The following PDZD9 variants were observed in gnomAD, a reference collection of about 807,000 sequenced individuals.
The protein encoded by PDZD9 is PDZ domain-containing protein 9.
In PDZD9, 13 loss-of-function variants were observed where a neutral mutation model predicts 16.3. The ratio of observed to expected loss-of-function variants is 0.80; its 90% CI spans 0.52 to 1.27. PDZD9 has a LOEUF of 1.27. PDZD9 is among the 50% of genes most tolerant of loss of function. PDZD9 has a pLI of 0.00. For missense variants in PDZD9, 288 were observed against 310.9 expected, an observed-to-expected ratio of 0.93 and a Z score of 0.55; for synonymous variants, 120 against 111.0, an observed-to-expected ratio of 1.08 and a Z score of -0.51.
chr16:21,993,244 C>A (rs1048421380), intron 2 of PDZD9, among the ~76,000 whole-genome samples: 22 of 152,236 alleles, frequency 1.4e-4, no homozygotes, highest in African/African-American at 5.3e-4. Flanking sequence ...CTAACTATAG[C>A]CGTGCCATGA....
chr16:21,963,469 T>A, the PDZD9 span, among the ~76,000 whole-genome samples: 1 of 151,968 alleles, frequency 6.6e-6, no homozygotes, highest in Admixed American at 6.5e-5. Flanking sequence ...TGTTTTTGTT[T>A]GTTTGTTTGT....
the PDZD9 span, among the ~76,000 whole-genome samples, chr16:21,961,669 T>TATATATATATATATATATATATATA: frequency 1.6e-5 from 2 of 128,960 alleles, no homozygotes; most frequent in Non-Finnish European, 1.7e-5. Flanking sequence ...TATATATATA[T>TATATATATATATATATATATATATA]TTTAGACAGT....
At chr16:21,994,524 T>C (rs901086510) in intron 2 of PDZD9, among the ~76,000 whole-genome samples, 2 of 152,346 alleles carry the variant, frequency 1.3e-5, no homozygotes, top group East Asian at 3.9e-4. Flanking sequence ...GTAAAGCCCT[T>C]AGGCTCTGAA....
chr16:21,997,113 G>A (rs940195353), intron 1 of PDZD9, among the ~76,000 whole-genome samples: 1 of 152,150 alleles, frequency 6.6e-6, no homozygotes, highest in South Asian at 2.1e-4. Flanking sequence ...GTGAGCCACC[G>A]TGCCTGGCCC....
chr16:21,964,275 G>A, the PDZD9 span, among the ~76,000 whole-genome samples: 1 of 152,166 alleles, frequency 6.6e-6, no homozygotes, highest in African/African-American at 2.4e-5. Flanking sequence ...CTTCCCCACT[G>A]GCGGCAGTGA....
Position 21,984,255 on chromosome 16 carries a change from A to C in PDZD9, c.*12T>G. 6.3e-7 allele frequency: 1 copy of C among 1,598,458 alleles called. No individual in the cohort carries two copies. Among genetic ancestry groups the C allele is most frequent in the Non-Finnish European group, 8.5e-7 (1 of 1,170,666 alleles). On this transcript the variant is annotated 3_prime_UTR_variant, in exon 4 of 4. Coordinates refer to ENST00000424898, the MANE Select transcript of PDZD9 (RefSeq NM_001363519.1). Reference sequence around the variant, plus strand: ...TGTCTGCAAGATAAATGCTCATATGACCACAGATTTGCTAACCAACCTTTG... The same window carrying C: ...TGTCTGCAAGATAAATGCTCATATGCCCACAGATTTGCTAACCAACCTTTG...
At chr16:21,971,116 G>T in the PDZD9 span, among the ~76,000 whole-genome samples, 5 of 152,176 alleles carry the variant, frequency 3.3e-5, no homozygotes, top group South Asian at 1.0e-3. Context: ...ACATGCTAGC[G>T]TCCATTAGGA....
At chr16:21,981,222 T>C (rs1898718736), downstream of PDZD9, among the ~76,000 whole-genome samples, 1 of 152,194 alleles carries the variant, frequency 6.6e-6, no homozygotes, top group South Asian at 2.1e-4. Flanking sequence ...AATTTTTTTT[T>C]CACATATATT....
Position 21,994,936 on chromosome 16 carries a change from T to A in PDZD9, c.211+1386A>T, listed in dbSNP as rs530949881. Among the ~76,000 whole-genome samples the A allele has an allele frequency of 5.3e-5, 8 of 152,082 alleles. No individual in the cohort carries two copies. The South Asian group carries it at 1.7e-3, about 32-fold the overall frequency. On this transcript the variant is annotated intron_variant, in intron 2 of 3. Coordinates refer to ENST00000424898, the MANE Select transcript of PDZD9 (RefSeq NM_001363519.1). The stretch of plus-strand genomic sequence containing the variant: ...GCCTCGGCCTCCTGCACTCAAGTGA[T>A]CCTCCCACCTCAGCCTCCTGAGTAG...
chr16:21,962,621 A>G, the PDZD9 span: 2 of 1,591,356 alleles, frequency 1.3e-6, no homozygotes, highest in Non-Finnish European at 1.7e-6. Flanking sequence ...TCCATTTTGG[A>G]TTATTGTTCA....
rs1485856825 is a variant in PDZD9, at chr16:21,996,228, T to G, written c.211+94A>C. 104 of 1,361,310 alleles carry G rather than the reference T, an allele frequency of 7.6e-5. 1 individual carries two copies. The highest frequency in any genetic ancestry group is 3.0e-5 in the Non-Finnish European group (30 of 1,014,906). 84.3% of individuals were successfully genotyped at this position (1,361,310 alleles called of 1,614,324 possible). ...GGCATGAGCCAGCATGCCCGTCATA[T>G]CCTTATAGTTACACTGAAACCCGGT... On this transcript the variant is annotated intron_variant, in intron 2 of 3. Coordinates refer to ENST00000424898, the MANE Select transcript of PDZD9 (RefSeq NM_001363519.1).
intron 3 of PDZD9, among the ~76,000 whole-genome samples, chr16:21,986,222 C>T (rs1236595865): frequency 6.6e-6 from 1 of 152,132 alleles, no homozygotes; most frequent in African/African-American, 2.4e-5. Flanking sequence ...CTTCTTCTTT[C>T]CCTGCCGCGT....
downstream of PDZD9, among the ~76,000 whole-genome samples, chr16:21,980,065 G>A (rs570666495): frequency 2.0e-5 from 3 of 152,202 alleles, no homozygotes; most frequent in Admixed American, 6.5e-5. Context: ...TGTTCGATAC[G>A]TTAGGTGTAT....
the PDZD9 span, among the ~76,000 whole-genome samples, chr16:21,964,934 C>T: frequency 1.3e-5 from 2 of 152,210 alleles, no homozygotes; most frequent in Non-Finnish European, 1.5e-5. Context: ...GCACCAAGCA[C>T]CACAGAGGAG....
chr16:21,962,198 T>C, the PDZD9 span: 2 of 448,102 alleles, frequency 4.5e-6, no homozygotes, highest in South Asian at 3.1e-5. Context: ...ACTGGCTTAT[T>C]ATCCTTAGCA....
At chr16:21,996,211 C>T (rs1899144198) in intron 2 of PDZD9, 111 bp downstream of exon 2, 1 of 1,266,862 alleles carries the variant, frequency 7.9e-7, no homozygotes. Flanking sequence ...CAGGCATGAG[C>T]CAGCATGCCC....
At chr16:21,960,262 T>G in the PDZD9 span, among the ~76,000 whole-genome samples, 2 of 152,230 alleles carry the variant, frequency 1.3e-5, no homozygotes, top group Non-Finnish European at 2.9e-5. Context: ...AGCTTCTATA[T>G]TAGCATTTGC....
the PDZD9 span, chr16:21,962,507 G>T: frequency 6.2e-7 from 1 of 1,614,128 alleles, no homozygotes; most frequent in Non-Finnish European, 8.5e-7. Context: ...GAATGCCTGC[G>T]GGGTGATGTG....
intron 3 of PDZD9, among the ~76,000 whole-genome samples, chr16:21,986,317 G>C (rs1006373128): frequency 1.3e-5 from 2 of 152,098 alleles, no homozygotes; most frequent in South Asian, 4.1e-4. Context: ...TATTGTTTGT[G>C]GGTTTTCGCC....
Sources: gnomAD v4.1 joint callset for allele counts (sites outside exome capture counted in the v4.1 genomes callset) on GRCh38, gnomAD v4.1.1 for gene constraint, MANE v1.5 for transcripts, NCBI Gene and HGNC (gene_info 2026-07-23, HGNC 2026-07-21) for gene names.